LRP1B: variants seen among roughly 807,000 people sequenced by gnomAD.
LRP1B encodes low-density lipoprotein receptor-related protein 1B.
LRP1B carries 217 observed loss-of-function variants against 556.6 expected under a neutral mutation model. That is an observed-to-expected ratio of 0.39 (90% confidence interval 0.35 to 0.44). The LOEUF (loss-of-function observed/expected upper bound fraction) is 0.44, where lower values mean the gene tolerates loss of function less well. LRP1B is among the 20% of genes least tolerant of loss of function. The pLI, the probability that LRP1B is intolerant of heterozygous loss-of-function variation, is 1.00. For missense variants in LRP1B, 5,053 were observed against 5,620.8 expected, an observed-to-expected ratio of 0.90 and a Z score of 3.23; for synonymous variants, 2,047 against 1,865.8, an observed-to-expected ratio of 1.10 and a Z score of -2.50.
chr2:141,998,743 C>T (rs114343526), intron 1 of LRP1B, among the ~76,000 whole-genome samples: 3 of 152,058 alleles, frequency 2.0e-5, no homozygotes, highest in Non-Finnish European at 2.9e-5. Context: ...ACCTGAAGGT[C>T]GTAGGAGAGG....
At chr2:141,703,792 C>T (rs935568570) in intron 2 of LRP1B, among the ~76,000 whole-genome samples, 1 of 151,834 alleles carries the variant, frequency 6.6e-6, no homozygotes, top group African/African-American at 2.4e-5. Context: ...GAAACTCTGG[C>T]AGGGGGTTAC....
At chr2:140,950,487 T>C (rs2105300628) in intron 19 of LRP1B, 85 bp from the exon 20 acceptor site, 2 of 1,163,418 alleles carry the variant, frequency 1.7e-6, no homozygotes, top group Non-Finnish European at 2.4e-6. Context: ...GTTTCTGTTG[T>C]TGTTGTTGTT....
rs189558066 is a variant in LRP1B at position 141,127,884 on chromosome 2, T to A, written c.1013+60537A>T. 4.6e-5 allele frequency among the ~76,000 whole-genome samples: 7 copies of A among 152,324 alleles called. No homozygotes were observed. In the East Asian group the frequency reaches 1.4e-3, roughly 29 times the overall value. ...TACTCTCTCTAGCTCTCTGAGATAG[T>A]CCTATTCAAAGCATGTCCCTTGACT... On this transcript the variant is annotated intron_variant, in intron 7 of 90. Transcript: ENST00000389484.
At chr2:140,549,944 G>A (rs1373182822) in intron 43 of LRP1B, among the ~76,000 whole-genome samples, 3 of 151,996 alleles carry the variant, frequency 2.0e-5, no homozygotes, top group African/African-American at 4.8e-5. Flanking sequence ...TGCCATGGTG[G>A]CTTGCTGCAC....
chr2:141,373,273 T>G (rs968315202), intron 3 of LRP1B, among the ~76,000 whole-genome samples: 1 of 152,126 alleles, frequency 6.6e-6, no homozygotes, highest in Admixed American at 6.5e-5. Flanking sequence ...AACTCTAGTC[T>G]ATTTTGGAGA....
intron 83 of LRP1B, among the ~76,000 whole-genome samples, chr2:140,303,012 C>CATATATATATATATAT (rs59878403): frequency 4.8e-5 from 4 of 82,836 alleles, no homozygotes; most frequent in Non-Finnish European, 9.5e-5. Flanking sequence ...AAATCTCCTT[C>CATATATATATATATAT]ATATATATAT....
At chr2:140,788,556 C>A (rs1689992276) in intron 32 of LRP1B, among the ~76,000 whole-genome samples, 1 of 152,054 alleles carries the variant, frequency 6.6e-6, no homozygotes, top group African/African-American at 2.4e-5. Context: ...AGAGTAGGGG[C>A]AATACAATAT....
At chr2:140,590,565 T>C (rs886914069) in intron 43 of LRP1B, among the ~76,000 whole-genome samples, 3 of 72,784 alleles carry the variant, frequency 4.1e-5, no homozygotes, top group African/African-American at 1.7e-4. Context: ...TTTCTCTCTC[T>C]CTCTCTCTCT....
At chr2:141,156,783 A>T (rs1702079054) in intron 7 of LRP1B, among the ~76,000 whole-genome samples, 1 of 152,136 alleles carries the variant, frequency 6.6e-6, no homozygotes, top group Admixed American at 6.6e-5. Flanking sequence ...AGGAATTTGA[A>T]TCTTGAGGGT....
At chr2:141,487,619 T>G (rs1683169923) in intron 2 of LRP1B, among the ~76,000 whole-genome samples, 1 of 152,152 alleles carries the variant, frequency 6.6e-6, no homozygotes, top group Admixed American at 6.6e-5. Context: ...TAAGTATTTA[T>G]ACACTACTTC....
At chr2:141,035,352 CAATAATAAT>C (rs145532424) in intron 11 of LRP1B, among the ~76,000 whole-genome samples, 1 of 150,308 alleles carries the variant, frequency 6.7e-6, no homozygotes, top group Non-Finnish European at 1.5e-5. Flanking sequence ...ACTTGAAGTA[CAATAATAAT>C]AATAATAATA....
In LRP1B at chr2:140,725,258, A is replaced by G. The variant is rs79446093; in HGVS notation, c.5759-8442T>C. On this transcript the variant is annotated intron_variant, in intron 35 of 90. Coordinates refer to ENST00000389484, the MANE Select transcript of LRP1B (RefSeq NM_018557.3). ...TCTCATATCACTTCTACATTTTTCA[A>G]TCATCATGTTTCTTGACACAATATT... 4.3e-3 allele frequency among the ~76,000 whole-genome samples: 653 copies of G among 152,126 alleles called. 2 individuals are homozygous for G. The highest frequency in any genetic ancestry group is 6.5e-3 in the Non-Finnish European group (442 of 67,982).
At chr2:140,272,292 C>CACACACACACACAG (rs1424424326) in intron 85 of LRP1B, among the ~76,000 whole-genome samples, 2 of 146,228 alleles carry the variant, frequency 1.4e-5, no homozygotes, top group African/African-American at 2.5e-5. Context: ...CACACACACA[C>CACACACACACACAG]AGAATATGTG....
chr2:142,129,727 T>A (rs1326195322), intron 1 of LRP1B, among the ~76,000 whole-genome samples: 1 of 152,064 alleles, frequency 6.6e-6, no homozygotes, highest in African/African-American at 2.4e-5. Flanking sequence ...TTTAACCAGT[T>A]AACCATTCCA....
chr2:140,490,275 G>C (rs1366958727), intron 57 of LRP1B, among the ~76,000 whole-genome samples: 1 of 152,060 alleles, frequency 6.6e-6, no homozygotes, highest in African/African-American at 2.4e-5. Context: ...AAAGGTACTT[G>C]ATTAATTTTC....
At chr2:140,548,675 C>T (rs1415015699) in intron 43 of LRP1B, among the ~76,000 whole-genome samples, 1 of 152,040 alleles carries the variant, frequency 6.6e-6, no homozygotes, top group Non-Finnish European at 1.5e-5. Context: ...GTAATCCAAG[C>T]ATTTTAGGAG....
chr2:140,741,579 AC>A (rs1352049643), intron 35 of LRP1B, among the ~76,000 whole-genome samples: 1 of 152,010 alleles, frequency 6.6e-6, no homozygotes, highest in Non-Finnish European at 1.5e-5. Flanking sequence ...TAATTTTGTC[AC>A]CCAGGTAATC....
intron 79 of LRP1B, among the ~76,000 whole-genome samples, chr2:140,327,971 T>TAGAAAATC (rs1558804970): frequency 2.0e-5 from 3 of 152,020 alleles, no homozygotes; most frequent in Admixed American, 1.3e-4. Context: ...AGCCCTTTAA[T>TAGAAAATC]AAAAGAGATA....
At chr2:141,549,610 C>T (rs16855058) in intron 2 of LRP1B, among the ~76,000 whole-genome samples, 11,650 of 152,104 alleles carry the variant, frequency 0.077, 536 homozygotes, top group South Asian at 0.11. Context: ...ATCTTAAAAA[C>T]AGCCTTAGTA....
Sources: gnomAD v4.1 joint callset for allele counts (sites outside exome capture counted in the v4.1 genomes callset) on GRCh38, gnomAD v4.1.1 for gene constraint, MANE v1.5 for transcripts, NCBI Gene and HGNC (gene_info 2026-07-23, HGNC 2026-07-21) for gene names.